The following PDGFRB variants were observed in gnomAD, a reference collection of about 807,000 sequenced individuals.
The protein encoded by PDGFRB is platelet derived growth factor receptor beta.
PDGFRB carries 42 observed loss-of-function variants against 120.2 expected under a neutral mutation model. That is an observed-to-expected ratio of 0.35 (90% CI 0.27 to 0.45). The LOEUF is 0.45. PDGFRB is among the 20% of genes least tolerant of loss of function. The probability of loss-of-function intolerance (pLI) is 1.00; values close to 1 mark genes in which losing one functional copy is unlikely to be tolerated. For missense variants in PDGFRB, 1,149 were observed against 1,476.3 expected, an observed-to-expected ratio of 0.78 and a Z score of 3.63; for synonymous variants, 586 against 606.8, an observed-to-expected ratio of 0.97 and a Z score of 0.50.
chr5:150,116,092 G>A (rs984802011), intron 22 of PDGFRB, 146 bp from the exon 23 acceptor site: 11 of 638,988 alleles, frequency 1.7e-5, no homozygotes, highest in Non-Finnish European at 2.8e-5. Flanking sequence ...AACTATGCAA[G>A]GCCTGCACCG....
In PDGFRB at chr5:150,115,782, G is replaced by C. The variant is rs2113879922; in HGVS notation, c.3302C>G (p.Ala1101Gly). The change falls in exon 23 of 23, where the codon GCA becomes GGA. Residue 1101 changes from alanine to glycine, a missense_variant. Ala to Gly is a moderately conservative substitution (Grantham distance 60). This residue lies in a region of PDGFRB where 202 missense variants were observed against 214.3 expected (regional missense o/e 0.94). Coordinates refer to ENST00000261799, the MANE Select transcript of PDGFRB (RefSeq NM_002609.4). ...AGCCCCCTACAGGAAGCTATCCTCT[G>C]CTTCCGCCCGAGGCGCAGGGCACCC... Reference protein sequence around the residue: ...DSGCPAPRAEAEDSFL With the variant: ...DSGCPAPRAEGEDSFL 6.2e-7 allele frequency: 1 copy of C among 1,609,474 alleles called. No individual in the cohort carries two copies.
In PDGFRB at chr5:150,114,003, C is replaced by T. The variant is rs761143396; in HGVS notation, c.*1760G>A. 3.0e-5 allele frequency: 7 copies of T among 233,424 alleles called. No individual in the cohort carries two copies. The highest frequency in any genetic ancestry group is 1.8e-4 in the South Asian group (1 of 5,520). 14.5% of individuals were successfully genotyped at this position (233,424 alleles called of 1,614,324 possible). A position where few individuals can be genotyped will look rare whatever the true frequency, so the allele number is the denominator to read the frequency against. On this transcript the variant is annotated 3_prime_UTR_variant, in exon 23 of 23. Coordinates refer to ENST00000261799, the MANE Select transcript of PDGFRB (RefSeq NM_002609.4). ...ACCTAGGTGATTATATCTTTGGTAC[C>T]GTATTGAGAACCCACTCTCCCTCCT... is the stretch of plus-strand genomic sequence containing the variant.
Position 150,123,131 on chromosome 5 carries a change from GTGTT to G in PDGFRB, c.2090_2093del (p.Lys697ThrfsTer35). 6.2e-7 allele frequency: 1 copy of G among 1,613,874 alleles called. No individual in the cohort carries two copies. The highest frequency in any genetic ancestry group is 8.5e-7 in the Non-Finnish European group (1 of 1,179,812). ...TGTCGGAGTGGTGCTGCAGGAAGGT[GTGTT>G]TGTTGCGGTGCAGGTAGTCCACCAG... On this transcript the variant is annotated frameshift_variant, in exon 15 of 23. Transcript: ENST00000261799. LOFTEE classifies it high-confidence loss of function.
chr5:150,133,861 C>T lies in PDGFRB; in HGVS notation c.759+20G>A, dbSNP rs1179139332. ...CCCGTTCCTGGCCCCTCCTCCGACC[C>T]CTGCCTGGCCCCACATTACTTCTTT... On this transcript the variant is annotated intron_variant, in intron 5 of 22. Coordinates refer to ENST00000261799, the MANE Select transcript of PDGFRB (RefSeq NM_002609.4). 3 of 1,613,966 alleles carry T rather than the reference C, an allele frequency of 1.9e-6. No homozygotes were observed. Among genetic ancestry groups the T allele is most frequent in the African/African-American group, 2.7e-5 (2 of 74,924 alleles).
rs1227296440 is a variant in PDGFRB at position 150,132,361 on chromosome 5, G to A, written c.1128-267C>T. 1.3e-5 allele frequency among the ~76,000 whole-genome samples: 2 copies of A among 152,170 alleles called. No homozygotes were observed. Among genetic ancestry groups the A allele is most frequent in the African/African-American group, 4.8e-5 (2 of 41,440 alleles). On this transcript the variant is annotated intron_variant, in intron 7 of 22. Transcript: ENST00000261799. The surrounding 1 kb of genome is among the most constrained non-coding windows in gnomAD (Gnocchi z 5.0). Reference sequence around the variant, plus strand: ...TCCTATTTCTCTCCCCTTCAGAAAGGTGGACACTGCTCCATCCTAACCTAC... The same window carrying A: ...TCCTATTTCTCTCCCCTTCAGAAAGATGGACACTGCTCCATCCTAACCTAC...
chr5:150,150,588 C>T (rs182540992), intron 1 of PDGFRB, among the ~76,000 whole-genome samples: 466 of 152,158 alleles, frequency 3.1e-3, no homozygotes, highest in Admixed American at 4.8e-3. Context: ...GGGTGGGCTA[C>T]CCCAGGAAGC....
intron 1 of PDGFRB, among the ~76,000 whole-genome samples, chr5:150,146,499 A>G (rs1760925876): frequency 1.3e-5 from 2 of 152,152 alleles, no homozygotes; most frequent in African/African-American, 4.8e-5. Flanking sequence ...GTAAGATGCA[A>G]AGGAACGGGA....
intron 11 of PDGFRB, 40 bp downstream of exon 11, chr5:150,126,480 A>G: frequency 9.7e-7 from 1 of 1,026,884 alleles, no homozygotes; most frequent in South Asian, 1.3e-5. Context: ...CAAAATAATG[A>G]TGTGCCAGTC....
Position 150,126,394 on chromosome 5 carries a change from A to G in PDGFRB, c.1674+126T>C, listed in dbSNP as rs189289147. On this transcript the variant is annotated intron_variant, in intron 11 of 22. Transcript: ENST00000261799. ...GAGACAGCCAGCGTCACAAGTCCCC[A>G]CCTGAGTTCCATGCTGAGCCCTGCA... 2,030 of 686,440 alleles carry G rather than the reference A, an allele frequency of 3.0e-3. 10 individuals are homozygous for G. The highest frequency in any genetic ancestry group is 6.9e-3 in the Middle Eastern group (22 of 3,178). The allele number at this position is 686,440 out of a possible 1,614,324, so 42.5% of individuals were successfully genotyped here. A position where few individuals can be genotyped will look rare whatever the true frequency, so the allele number is the denominator to read the frequency against.
intron 2 of PDGFRB, 36 bp from the exon 3 acceptor site, chr5:150,135,914 G>C (rs745543811): frequency 1.4e-6 from 2 of 1,449,894 alleles, no homozygotes; most frequent in Non-Finnish European, 1.9e-6. Context: ...CAGGAAACAG[G>C]GGCTTCAGCA....
At chr5:150,151,120 A>G (rs1010644964) in intron 1 of PDGFRB, among the ~76,000 whole-genome samples, 12 of 152,194 alleles carry the variant, frequency 7.9e-5, no homozygotes, top group African/African-American at 2.7e-4. Flanking sequence ...TAATGTGTAG[A>G]AAAAGGGTAA....
chr5:150,129,109 C>T (rs1355780909), intron 10 of PDGFRB, among the ~76,000 whole-genome samples: 1 of 152,200 alleles, frequency 6.6e-6, no homozygotes, highest in Admixed American at 6.5e-5. Flanking sequence ...TATGCTTGTA[C>T]ACTTTTCTAG....
intron 1 of PDGFRB, among the ~76,000 whole-genome samples, chr5:150,149,132 C>A (rs1761004749): frequency 6.6e-6 from 1 of 152,152 alleles, no homozygotes; most frequent in African/African-American, 2.4e-5. Flanking sequence ...CAGGGCAATG[C>A]TGTAACTCCA....
At chr5:150,116,924 G>A (rs574389969) in intron 22 of PDGFRB, among the ~76,000 whole-genome samples, 2 of 152,328 alleles carry the variant, frequency 1.3e-5, no homozygotes, top group East Asian at 3.9e-4. Flanking sequence ...AGTTGGGACA[G>A]TACCCCAGCC....
Position 150,118,855 on chromosome 5 carries a change from G to A in PDGFRB, c.2799-3C>T. On this transcript the variant is annotated splice_polypyrimidine_tract_variant and splice_region_variant and intron_variant, in intron 20 of 22. Transcript: ENST00000261799. ...AGCACTTCTGCATGATCTCATAGCTGGGGATAGGGAGAAGGGTCAGGGCCT... is the reference window on the plus strand; with the variant it reads ...AGCACTTCTGCATGATCTCATAGCTAGGGATAGGGAGAAGGGTCAGGGCCT... The A allele has an allele frequency of 1.3e-6, 2 of 1,595,012 alleles. No homozygotes were observed. Among genetic ancestry groups the A allele is most frequent in the Non-Finnish European group, 1.7e-6 (2 of 1,163,310 alleles).
chr5:150,152,641 T>C (rs968088941), intron 1 of PDGFRB, among the ~76,000 whole-genome samples: 2 of 152,240 alleles, frequency 1.3e-5, no homozygotes, highest in Non-Finnish European at 2.9e-5. Flanking sequence ...TCCTTTAGCC[T>C]AGAAGGCAGC....
chr5:150,141,624 T>G (rs753096693), intron 1 of PDGFRB, among the ~76,000 whole-genome samples: 3 of 152,092 alleles, frequency 2.0e-5, no homozygotes, highest in Non-Finnish European at 2.9e-5. Context: ...CAGTGGGGAC[T>G]GAAAAAAACA....
At position 150,117,538 on chromosome 5, in the gene PDGFRB, G is replaced by A. The variant is rs140531823; in HGVS notation, c.3137+80C>T. 5,201 of 581,098 alleles carry A rather than the reference G, an allele frequency of 9.0e-3. 4 individuals carry two copies. Among genetic ancestry groups the A allele is most frequent in the Non-Finnish European group, 0.012 (3,874 of 333,962 alleles). The allele number at this position is 581,098 out of a possible 1,614,324, so 36.0% of individuals were successfully genotyped here. A position where few individuals can be genotyped will look rare whatever the true frequency, so the allele number is the denominator to read the frequency against. ...GAGGCAAACCTGGCAGCGCGCGCGCGCGCGCGCACACACACACACACACAC... is the reference window on the plus strand; with the variant it reads ...GAGGCAAACCTGGCAGCGCGCGCGCACGCGCGCACACACACACACACACAC... On this transcript the variant is annotated intron_variant, in intron 22 of 22. Coordinates refer to ENST00000261799, the MANE Select transcript of PDGFRB (RefSeq NM_002609.4).
At chr5:150,125,301 T>C (rs112374268) in intron 12 of PDGFRB, 144 bp downstream of exon 12, 13,874 of 632,424 alleles carry the variant, frequency 0.022, 207 homozygotes, top group Middle Eastern at 0.039. Context: ...TCATTGTACA[T>C]AGTAGGAGAT....
Sources: allele counts gnomAD v4.1 joint callset (sites outside exome capture counted in the v4.1 genomes callset), GRCh38; gene constraint gnomAD v4.1.1; regional missense constraint gnomAD v4.1.1; non-coding constraint Gnocchi (gnomAD v3.1); transcripts MANE v1.5; gene names NCBI Gene and HGNC (gene_info 2026-07-23, HGNC 2026-07-21).